USP4: variants seen among roughly 807,000 people sequenced by gnomAD.
USP4 encodes ubiquitin specific peptidase 4.
In USP4, 72 loss-of-function variants were observed where a neutral mutation model predicts 118.2. The ratio of observed to expected loss-of-function variants is 0.61; its 90% confidence interval spans 0.50 to 0.74. The LOEUF is 0.74. Ranked by LOEUF, USP4 falls within the 30% of genes least tolerant of loss-of-function variation. The pLI, the probability that USP4 is intolerant of heterozygous loss-of-function variation, is 0.00. For synonymous variants in USP4, 415 were observed against 440.4 expected, an observed-to-expected ratio of 0.94 and a Z score of 0.72; for missense variants, 1,037 against 1,185.7, an observed-to-expected ratio of 0.87 and a Z score of 1.84.
chr3:49,301,577 A>G (rs567410983), intron 10 of USP4, among the ~76,000 whole-genome samples: 3 of 152,218 alleles, frequency 2.0e-5, no homozygotes, highest in Admixed American at 2.0e-4. Flanking sequence ...AGTGCCAGCT[A>G]CTTGAGAGGC....
chr3:49,305,163 C>T (rs894113284), intron 9 of USP4, among the ~76,000 whole-genome samples: 3 of 150,854 alleles, frequency 2.0e-5, no homozygotes, highest in African/African-American at 2.4e-5. Flanking sequence ...AGCTCTGCCT[C>T]CCGGGTTCAC....
intron 15 of USP4, among the ~76,000 whole-genome samples, chr3:49,288,795 A>T (rs1432100255): frequency 1.3e-5 from 2 of 152,152 alleles, no homozygotes; most frequent in Non-Finnish European, 2.9e-5. Flanking sequence ...ACAAGGAGCC[A>T]TGTCAGTAGA....
rs1221786814 is a variant in USP4, at chr3:49,287,397, G to A, written c.1973-1072C>T. Among the ~76,000 whole-genome samples the A allele has an allele frequency of 3.3e-5, 5 of 151,694 alleles. No individual in the cohort carries two copies. The South Asian group carries it at 8.3e-4, about 25-fold the overall frequency. On this transcript the variant is annotated intron_variant, in intron 15 of 21. Coordinates refer to ENST00000265560, the MANE Select transcript of USP4 (RefSeq NM_003363.4). The stretch of plus-strand genomic sequence containing the variant: ...TCTCTAGCTCCTGACCTCGTGATCC[G>A]CCCGCCCCGGCTTCCCAAAGTACTG...
chr3:49,285,022 C>T, intron 16 of USP4, 103 bp from the exon 17 acceptor site: 1 of 807,992 alleles, frequency 1.2e-6, no homozygotes, highest in Non-Finnish European at 2.0e-6. Context: ...ACACCATCAA[C>T]ACCTTCTCCC....
intron 1 of USP4, among the ~76,000 whole-genome samples, chr3:49,338,470 C>G (rs1052024868): frequency 4.0e-5 from 6 of 151,648 alleles, no homozygotes; most frequent in Non-Finnish European, 7.4e-5. Flanking sequence ...ACCAGCCTGA[C>G]CAAAATGGAG....
At chr3:49,289,850 G>C (rs1430334496) in intron 15 of USP4, among the ~76,000 whole-genome samples, 6 of 152,060 alleles carry the variant, frequency 3.9e-5, no homozygotes, top group Non-Finnish European at 8.8e-5. Flanking sequence ...TCACGCCTAT[G>C]ATCCCAGCAC....
At chr3:49,297,801 A>G in intron 13 of USP4, 69 bp downstream of exon 13, 2 of 1,286,266 alleles carry the variant, frequency 1.6e-6, no homozygotes, top group East Asian at 2.3e-5. Context: ...TTCTGGAGAT[A>G]TGAATGCAGC....
chr3:49,340,019 C>G lies in USP4; in HGVS notation c.6G>C (p.Ala2=), dbSNP rs771909965. Residue 2 remains alanine, a synonymous_variant, in exon 1 of 22, where the codon GCG becomes GCC. Coordinates refer to ENST00000265560, the MANE Select transcript of USP4 (RefSeq NM_003363.4). Reference sequence around the variant, plus strand: ...GTCGCTCACGGCAGCCTCCACCTTCCGCCATCTCCTCCGCGGCCCCGGCCC... The same window carrying G: ...GTCGCTCACGGCAGCCTCCACCTTCGGCCATCTCCTCCGCGGCCCCGGCCC... M[A]EGGGCRERPD... is the part of the protein sequence containing the mutation. 30 of 1,607,520 alleles carry G rather than the reference C, an allele frequency of 1.9e-5. No individual in the cohort carries two copies. Among genetic ancestry groups the G allele is most frequent in the Non-Finnish European group, 2.4e-5 (28 of 1,179,688 alleles).
chr3:49,280,297 C>T (rs879800460), intron 20 of USP4, among the ~76,000 whole-genome samples: 14 of 151,928 alleles, frequency 9.2e-5, no homozygotes, highest in Non-Finnish European at 1.8e-4. Flanking sequence ...CACAGTGCCT[C>T]ACACCTGTAA....
chr3:49,289,064 T>C (rs753507573), intron 15 of USP4, among the ~76,000 whole-genome samples: 3 of 152,140 alleles, frequency 2.0e-5, no homozygotes, highest in Non-Finnish European at 4.4e-5. Flanking sequence ...TGAGCTGAGA[T>C]TGTGCCACTG....
In USP4 at chr3:49,298,755, C is replaced by T. The variant is rs2047234634; in HGVS notation, c.1513-120G>A. The T allele has an allele frequency of 4.7e-6, 4 of 860,106 alleles. No individual in the cohort carries two copies. The Admixed American group carries it at 5.6e-5, about 12-fold the overall frequency. 53.3% of individuals were successfully genotyped at this position (860,106 alleles called of 1,614,324 possible). ...TTCTAGAAACAATGTATGGTGAGGT[C>T]AGGGTACAGATGAGTCAGAAGCAGA... On this transcript the variant is annotated intron_variant, in intron 11 of 21. Transcript: ENST00000265560.
At chr3:49,323,957 G>A (rs1285671462) in intron 6 of USP4, among the ~76,000 whole-genome samples, 1 of 152,026 alleles carries the variant, frequency 6.6e-6, no homozygotes, top group African/African-American at 2.4e-5. Flanking sequence ...TGAGTAACAG[G>A]CCACTGGGCA....
At chr3:49,282,491 C>A (rs936144666) in intron 19 of USP4, among the ~76,000 whole-genome samples, 26 of 151,978 alleles carry the variant, frequency 1.7e-4, no homozygotes, top group Non-Finnish European at 3.4e-4. Flanking sequence ...GTTGGTCAGG[C>A]TGGTCTCAAA....
intron 3 of USP4, 99 bp downstream of exon 3, chr3:49,327,587 C>A: frequency 7.5e-7 from 1 of 1,340,934 alleles, no homozygotes; most frequent in Non-Finnish European, 1.0e-6. Context: ...ACTATTCAAC[C>A]ACTGAGGTAT....
intron 10 of USP4, among the ~76,000 whole-genome samples, chr3:49,301,645 G>A (rs747235253): frequency 2.6e-5 from 4 of 152,038 alleles, no homozygotes; most frequent in East Asian, 1.9e-4. Flanking sequence ...CCAAGATCAC[G>A]TCATTGCACT....
intron 15 of USP4, among the ~76,000 whole-genome samples, chr3:49,289,884 T>C (rs954988825): frequency 1.2e-4 from 19 of 152,002 alleles, no homozygotes; most frequent in African/African-American, 4.1e-4. Context: ...GGTGGGTGGA[T>C]TGCTTGAACT....
chr3:49,281,483 TATATATATACAC>T (rs750171060), intron 19 of USP4, among the ~76,000 whole-genome samples: 13 of 103,668 alleles, frequency 1.3e-4, no homozygotes, highest in East Asian at 9.6e-4. Flanking sequence ...TGTGTATATA[TATATATATACAC>T]ACACACACAC....
chr3:49,304,746 C>T (rs912236794), intron 9 of USP4, among the ~76,000 whole-genome samples: 1 of 151,568 alleles, frequency 6.6e-6, no homozygotes, highest in Non-Finnish European at 1.5e-5. Flanking sequence ...ATCACCATGT[C>T]CAGCTAATTT....
chr3:49,286,597 T>C lies in USP4; in HGVS notation c.1973-272A>G, dbSNP rs536192750. Among the ~76,000 whole-genome samples, 5 of 152,266 alleles carry C rather than the reference T, an allele frequency of 3.3e-5. No homozygotes were observed. In the South Asian group the frequency reaches 1.0e-3, roughly 32 times the overall value. On this transcript the variant is annotated intron_variant, in intron 15 of 21. Transcript: ENST00000265560. The stretch of plus-strand genomic sequence containing the variant: ...CAGGCACAATGAGATTCAGAAGCCC[T>C]GCCATCCTGTCTACTGGCCATCACA...
Sources: allele counts gnomAD v4.1 joint callset (sites outside exome capture counted in the v4.1 genomes callset), GRCh38; gene constraint gnomAD v4.1.1; transcripts MANE v1.5; gene names NCBI Gene and HGNC (gene_info 2026-07-23, HGNC 2026-07-21).